Variants in MAGI2 observed in about 807,000 individuals in gnomAD.
The protein encoded by MAGI2 is membrane-associated guanylate kinase, WW and PDZ domain-containing protein 2.
A neutral mutation model predicts 133.3 loss-of-function variants in MAGI2; 35 were observed. The observed-to-expected ratio is 0.26, with a 90% CI of 0.20 to 0.35. The LOEUF (loss-of-function observed/expected upper bound fraction) is 0.35. Among genes scored for constraint, MAGI2 ranks in the 10% least tolerant of loss-of-function variants. The pLI is 1.00. For missense variants in MAGI2, 1,636 were observed against 1,863.4 expected (o/e 0.88, Z 2.25); for synonymous variants, 729 against 710.6 (o/e 1.03, Z -0.41).
chr7:78,378,154 G>A (rs1794617211), intron 6 of MAGI2, among the ~76,000 whole-genome samples: 1 of 151,870 alleles, frequency 6.6e-6, no homozygotes, highest in South Asian at 2.1e-4. Flanking sequence ...AGAAAATAGA[G>A]TGAACCTAAA....
chr7:78,081,664 G>C (rs1815987431), intron 20 of MAGI2, among the ~76,000 whole-genome samples: 2 of 152,198 alleles, frequency 1.3e-5, no homozygotes, highest in African/African-American at 4.8e-5. Context: ...GAAACTGTCA[G>C]TAGTTTATTA....
rs532940783 is a variant in MAGI2 at position 79,272,555 on chromosome 7, T to A, written c.301+180465A>T. Among the ~76,000 whole-genome samples, 12 of 152,202 alleles carry A rather than the reference T, an allele frequency of 7.9e-5. No individual in the cohort carries two copies. In the South Asian group the frequency reaches 2.5e-3, roughly 32 times the overall value. ...CTTGTATCCATTTAATATCAGCAAC[T>A]ATGATATTACTACTAATAATATTGT... On this transcript the variant is annotated intron_variant, in intron 1 of 21. Transcript: ENST00000354212.
chr7:79,361,884 CA>C (rs897421487), intron 1 of MAGI2, among the ~76,000 whole-genome samples: 2 of 151,620 alleles, frequency 1.3e-5, no homozygotes, highest in African/African-American at 2.4e-5. Flanking sequence ...TAAATGAAAA[CA>C]AAAACATAAC....
At chr7:78,841,660 A>T (rs1792154046) in intron 2 of MAGI2, among the ~76,000 whole-genome samples, 1 of 152,016 alleles carries the variant, frequency 6.6e-6, no homozygotes, top group Non-Finnish European at 1.5e-5. Context: ...TAAATTACAC[A>T]AAACTAAACA....
chr7:79,258,512 C>T (rs1325914426), intron 1 of MAGI2, among the ~76,000 whole-genome samples: 1 of 152,196 alleles, frequency 6.6e-6, no homozygotes, highest in African/African-American at 2.4e-5. Context: ...AGGCTCTGCT[C>T]TTCACTTTCA....
In MAGI2 at chr7:79,292,278, T is replaced by C. The variant is rs181938662; in HGVS notation, c.301+160742A>G. ...ACAATTTCATTTATTTACTTATTTA[T>C]TTATTTATGCCAGTACAACATTGTT... On this transcript the variant is annotated intron_variant, in intron 1 of 21. Coordinates refer to ENST00000354212, the MANE Select transcript of MAGI2 (RefSeq NM_012301.4). Among the ~76,000 whole-genome samples, 134 of 152,260 alleles carry C rather than the reference T, an allele frequency of 8.8e-4. 1 individual carries two copies. The highest frequency in any genetic ancestry group is 3.2e-3 in the African/African-American group (132 of 41,544).
intron 2 of MAGI2, among the ~76,000 whole-genome samples, chr7:78,779,586 T>A (rs1826243848): frequency 6.6e-6 from 1 of 152,222 alleles, no homozygotes; most frequent in Admixed American, 6.5e-5. Context: ...TCTGTTAGGA[T>A]TAAGGAGACT....
chr7:79,134,900 A>G (rs903594447), intron 1 of MAGI2, among the ~76,000 whole-genome samples: 1 of 152,214 alleles, frequency 6.6e-6, no homozygotes, highest in Non-Finnish European at 1.5e-5. Context: ...CTGTTTGTGT[A>G]TTAATAGAGG....
intron 21 of MAGI2, among the ~76,000 whole-genome samples, chr7:78,071,007 C>G (rs979636062): frequency 6.6e-6 from 1 of 152,014 alleles, no homozygotes; most frequent in African/African-American, 2.4e-5. Flanking sequence ...TCTTAAATAC[C>G]TAACAAGTTA....
chr7:79,083,817 G>A (rs1816259896), intron 1 of MAGI2, among the ~76,000 whole-genome samples: 1 of 151,564 alleles, frequency 6.6e-6, no homozygotes, highest in Non-Finnish European at 1.5e-5. Context: ...TTTTTGGGGA[G>A]TTTTGTGATT....
At chr7:78,784,718 A>T (rs1008149089) in intron 2 of MAGI2, among the ~76,000 whole-genome samples, 2 of 152,208 alleles carry the variant, frequency 1.3e-5, no homozygotes, top group African/African-American at 4.8e-5. Flanking sequence ...ATGGATGTCT[A>T]TTCTTCATGA....
Position 79,301,924 on chromosome 7 carries a change from G to C in MAGI2, c.301+151096C>G, listed in dbSNP as rs551306666. Reference sequence around the variant, plus strand: ...TAAAAGTGTGTGGCACCTCTCCCCAGCTTTCTCTCTCTTGCTCCTGCTTTC... The same window carrying C: ...TAAAAGTGTGTGGCACCTCTCCCCACCTTTCTCTCTCTTGCTCCTGCTTTC... On this transcript the variant is annotated intron_variant, in intron 1 of 21. Transcript: ENST00000354212. Among the ~76,000 whole-genome samples the C allele has an allele frequency of 7.9e-5, 12 of 152,270 alleles. No individual in the cohort carries two copies. In the South Asian group the frequency reaches 2.5e-3, roughly 32 times the overall value.
At chr7:79,208,962 C>A (rs140964072) in intron 1 of MAGI2, among the ~76,000 whole-genome samples, 265 of 152,034 alleles carry the variant, frequency 1.7e-3, no homozygotes, top group Middle Eastern at 0.017. Context: ...TATGTAGAAT[C>A]TTAAAAAGTT....
chr7:79,371,516 C>T (rs1278237983), intron 1 of MAGI2, among the ~76,000 whole-genome samples: 2 of 151,940 alleles, frequency 1.3e-5, no homozygotes, highest in Admixed American at 6.6e-5. Context: ...TATGTTTATA[C>T]ATACATCTAT....
chr7:79,024,140 A>G (rs1042384713), intron 1 of MAGI2, among the ~76,000 whole-genome samples: 1 of 152,190 alleles, frequency 6.6e-6, no homozygotes, highest in Non-Finnish European at 1.5e-5. Context: ...ACAGACATAG[A>G]GACCAATGGA....
intron 3 of MAGI2, among the ~76,000 whole-genome samples, chr7:78,575,283 T>TA (rs1025617515): frequency 6.6e-6 from 1 of 152,174 alleles, no homozygotes; most frequent in African/African-American, 2.4e-5. Context: ...AAGTATAAAA[T>TA]ATTAGGTTTG....
intron 3 of MAGI2, among the ~76,000 whole-genome samples, chr7:78,570,383 C>A (rs112579239): frequency 6.6e-6 from 1 of 151,836 alleles, no homozygotes; most frequent in Non-Finnish European, 1.5e-5. Context: ...CCTAAAGTAG[C>A]GTGGGGAACA....
Position 78,934,572 on chromosome 7 carries a change from G to C in MAGI2, c.418+72518C>G, listed in dbSNP as rs560395198. On this transcript the variant is annotated intron_variant, in intron 2 of 21. Coordinates refer to ENST00000354212, the MANE Select transcript of MAGI2 (RefSeq NM_012301.4). ...ACTGTCCACATAGGTGGCCGACATGGGGACACCTTTGCTTTCTGATGTTGT... is the reference window on the plus strand; with the variant it reads ...ACTGTCCACATAGGTGGCCGACATGCGGACACCTTTGCTTTCTGATGTTGT... Among the ~76,000 whole-genome samples the C allele has an allele frequency of 2.6e-5, 4 of 152,108 alleles. No individual in the cohort carries two copies. The South Asian group carries it at 8.3e-4, about 32-fold the overall frequency.
chr7:78,518,120 A>AT (rs1370694625), intron 4 of MAGI2: 1 of 152,172 alleles, frequency 6.6e-6, no homozygotes, highest in Non-Finnish European at 1.5e-5. Flanking sequence ...TTTAATGCTT[A>AT]TACATGCACA....
Sources: gnomAD v4.1 joint callset for allele counts (sites outside exome capture counted in the v4.1 genomes callset) on GRCh38, gnomAD v4.1.1 for gene constraint, MANE v1.5 for transcripts, NCBI Gene and HGNC (gene_info 2026-07-23, HGNC 2026-07-21) for gene names.